Variants in TEX15 observed in about 807,000 individuals in gnomAD.
The protein encoded by TEX15 is testis-expressed protein 15.
TEX15 carries 171 observed loss-of-function variants against 237.3 expected under a neutral mutation model. That is an observed-to-expected ratio of 0.72 (90% confidence interval 0.64 to 0.82). The LOEUF (loss-of-function observed/expected upper bound fraction) is 0.82. Ranked by LOEUF, TEX15 falls within the 40% of genes least tolerant of loss-of-function variation. TEX15 has a pLI of 0.00. For synonymous variants in TEX15, 1,338 were observed against 1,269.8 expected, an observed-to-expected ratio of 1.05 and a Z score of -1.14; for missense variants, 3,750 against 3,646.5, an observed-to-expected ratio of 1.03 and a Z score of -0.73.
Position 30,897,570 on chromosome 8 carries a change from TA to T in TEX15, c.-10+1171del, listed in dbSNP as rs1808930340. ...ACTTTAGAATCAACCAAAAATCATT[TA>T]AAATCCATATGATTAATATGTGGGT... On this transcript the variant is annotated intron_variant, in intron 2 of 10. Coordinates refer to ENST00000643185, the MANE Select transcript of TEX15 (RefSeq NM_001350162.2). Among the ~76,000 whole-genome samples, 6 of 152,282 alleles carry T rather than the reference TA, an allele frequency of 3.9e-5. No individual in the cohort carries two copies. In the South Asian group the frequency reaches 1.2e-3, roughly 32 times the overall value.
Position 30,842,079 on chromosome 8 carries a change from C to T in TEX15, c.8088G>A (p.Pro2696=), listed in dbSNP as rs554047548. Residue 2696 remains proline, a synonymous_variant, in exon 8 of 11, where the codon CCG becomes CCA. Transcript: ENST00000643185. ...KNISNSSKKR[P]STVDKCEDSQ... ...AGTCTTCACATTTGTCTACAGTGCT[C>T]GGTCGTTTTTTAGAGGAATTTGAGA... 9.5e-5 allele frequency: 153 copies of T among 1,613,502 alleles called. No individual in the cohort carries two copies. Among genetic ancestry groups the T allele is most frequent in the Middle Eastern group, 8.3e-4 (5 of 6,054 alleles).
rs898199856 is a variant in TEX15 at position 30,887,861 on chromosome 8, C to T, written c.-9-550G>A. ...ATACATACATTTCACATATATATTTCGCACATATATATTTCACATATATAT... is the reference window on the plus strand; with the variant it reads ...ATACATACATTTCACATATATATTTTGCACATATATATTTCACATATATAT... On this transcript the variant is annotated intron_variant, in intron 2 of 10. Transcript: ENST00000643185. 8.4e-5 allele frequency: 12 copies of T among 143,250 alleles called. No homozygotes were observed. The South Asian group carries it at 1.8e-3, about 21-fold the overall frequency. The allele number at this position is 143,250 out of a possible 1,614,324, so 8.9% of individuals were successfully genotyped here.
intron 1 of TEX15, among the ~76,000 whole-genome samples, chr8:30,910,110 G>C (rs1195794065): frequency 6.6e-6 from 1 of 151,788 alleles, no homozygotes; most frequent in South Asian, 2.1e-4. Flanking sequence ...TGAAAATCAT[G>C]ATTGTTTTCT....
At chr8:30,899,370 G>A (rs1334922662) in intron 1 of TEX15, among the ~76,000 whole-genome samples, 1 of 152,132 alleles carries the variant, frequency 6.6e-6, no homozygotes, top group South Asian at 2.1e-4. Context: ...AACCAAACTG[G>A]TAAGTTGGTT....
rs148542296 is a variant in TEX15, at chr8:30,845,000, C to T, written c.5167G>A (p.Ala1723Thr). 165 of 1,613,342 alleles carry T rather than the reference C, an allele frequency of 1.0e-4. No individual in the cohort carries two copies. The highest frequency in any genetic ancestry group is 1.2e-4 in the Non-Finnish European group (143 of 1,179,450). Residue 1723 changes from alanine to threonine, a missense_variant, in exon 8 of 11, where the codon GCT becomes ACT. Physicochemically the swap from Ala to Thr is moderately conservative, Grantham distance 58. Transcript: ENST00000643185. ...KKYSIPQLSA[A>T]AVTDSEGESS... ...TCTCCCTCACTATCTGTCACTGCAG[C>T]GGCTGATAACTGAGGAATACTGTAC...
chr8:30,900,612 G>C (rs1374381308), intron 1 of TEX15, among the ~76,000 whole-genome samples: 1 of 152,214 alleles, frequency 6.6e-6, no homozygotes, highest in Non-Finnish European at 1.5e-5. Flanking sequence ...AAATATGCAT[G>C]AAGATGTTAC....
At chr8:30,860,908 G>A (rs573092727) in intron 5 of TEX15, among the ~76,000 whole-genome samples, 2 of 151,866 alleles carry the variant, frequency 1.3e-5, no homozygotes, top group South Asian at 2.1e-4. Flanking sequence ...AGACAAACAC[G>A]AATAGCTCAG....
chr8:30,845,513 C>T lies in TEX15; in HGVS notation c.4654G>A (p.Gly1552Arg), dbSNP rs1807581847. 6.2e-7 allele frequency: 1 copy of T among 1,613,412 alleles called. No homozygotes were observed. The highest frequency in any genetic ancestry group is 8.5e-7 in the Non-Finnish European group (1 of 1,179,538). The change falls in exon 8 of 11, where the codon GGA (glycine) becomes AGA (arginine). Residue 1552 changes from glycine (G) to arginine (R), a missense_variant. Gly to Arg is a moderately radical substitution (Grantham distance 125). Transcript: ENST00000643185. ...GGGGAAAACAGATATGCAGTTTTTC[C>T]AGAAAAGGGCTGATGTTCTTCTGAT... Reference protein sequence around the residue: ...SLSEEHQPFSGKTAYLFSPDH... With the variant: ...SLSEEHQPFSRKTAYLFSPDH...
intron 10 of TEX15, among the ~76,000 whole-genome samples, chr8:30,836,419 G>A (rs975551431): frequency 6.6e-6 from 1 of 151,602 alleles, no homozygotes; most frequent in Non-Finnish European, 1.5e-5. Flanking sequence ...TCACTATGTT[G>A]GCCAGGCTAG....
chr8:30,843,175 C>A lies in TEX15; in HGVS notation c.6992G>T (p.Gly2331Val), dbSNP rs146162764. The A allele has an allele frequency of 3.9e-5, 63 of 1,613,284 alleles. No homozygotes were observed. The Admixed American group carries it at 1.0e-3, about 26-fold the overall frequency. ...DLNNEPISPI[G>V]LEEDTIIASR... ...AGCAATTATAGTATCCTCCTCAAGCCCAATAGGGGAAATTGGTTCATTGTT... is the reference window on the plus strand; with the variant it reads ...AGCAATTATAGTATCCTCCTCAAGCACAATAGGGGAAATTGGTTCATTGTT... The change falls in exon 8 of 11, where the codon GGG becomes GTG. Residue 2331 changes from glycine (G) to valine (V), a missense_variant. Physicochemically the swap from Gly to Val is moderately radical, Grantham distance 109. Transcript: ENST00000643185.
intron 4 of TEX15, 66 bp from the exon 5 acceptor site, chr8:30,867,568 T>C (rs757768903): frequency 9.3e-5 from 82 of 879,258 alleles, no homozygotes; most frequent in Admixed American, 2.2e-4. Context: ...AGAAGATACA[T>C]ATTTCCACTT....
At chr8:30,870,937 A>G (rs1352611459) in intron 4 of TEX15, among the ~76,000 whole-genome samples, 1 of 152,012 alleles carries the variant, frequency 6.6e-6, no homozygotes, top group Non-Finnish European at 1.5e-5. Flanking sequence ...ATCTCTTTCC[A>G]AGTTGGCAGA....
At chr8:30,858,500 C>T (rs972703493) in intron 7 of TEX15, among the ~76,000 whole-genome samples, 168 bp downstream of exon 7, 2 of 151,954 alleles carry the variant, frequency 1.3e-5, no homozygotes, top group Non-Finnish European at 2.9e-5. Context: ...TTACTAGAGA[C>T]GGGGTTTTGC....
In TEX15 at chr8:30,867,452, A is replaced by G. The variant is rs922505389; in HGVS notation, c.353T>C (p.Phe118Ser). The G allele has an allele frequency of 6.5e-7, 1 of 1,534,786 alleles. No homozygotes were observed. The part of the protein sequence containing the change: ...GRHCRELEEQ[F>S]CFLALPQSDV... Reference sequence around the variant, plus strand: ...ACTCTGGGGAAGTGCTAAAAAGCAGAACTGTTCTTCAAGTTCCCTGCAATG... The same window carrying G: ...ACTCTGGGGAAGTGCTAAAAAGCAGGACTGTTCTTCAAGTTCCCTGCAATG... The change falls in exon 5 of 11, where the codon TTC (phenylalanine) becomes TCC (serine). Residue 118 changes from phenylalanine to serine, a missense_variant. Physicochemically the swap from Phe to Ser is radical, Grantham distance 155 (BLOSUM62 -2). Coordinates refer to ENST00000643185, the MANE Select transcript of TEX15 (RefSeq NM_001350162.2).
rs751731081 is a variant in TEX15, at chr8:30,848,355, T to C, written c.1812A>G (p.Pro604=). ...QTGCQTSTVF[P]LKKKVSIDEY... ...CATCAATGCTTACTTTCTTTTTGAGTGGAAAAACTGTAGACGTTTGGCAAC... is the reference window on the plus strand; with the variant it reads ...CATCAATGCTTACTTTCTTTTTGAGCGGAAAAACTGTAGACGTTTGGCAAC... Residue 604 remains proline, a synonymous_variant, in exon 8 of 11, where the codon CCA becomes CCG. Transcript: ENST00000643185. The C allele has an allele frequency of 1.9e-6, 3 of 1,614,106 alleles. No individual in the cohort carries two copies. Among genetic ancestry groups the C allele is most frequent in the South Asian group, 2.2e-5 (2 of 91,068 alleles).
chr8:30,840,299 G>A (rs1055968935), intron 8 of TEX15, among the ~76,000 whole-genome samples: 3 of 151,772 alleles, frequency 2.0e-5, no homozygotes, highest in Admixed American at 6.6e-5. Flanking sequence ...GGGTGCAAGC[G>A]ATTCTCCTGC....
intron 2 of TEX15, 57 bp from the exon 3 acceptor site, chr8:30,887,368 G>A (rs1808675214): frequency 2.9e-6 from 4 of 1,370,318 alleles, no homozygotes; most frequent in South Asian, 1.6e-5. Flanking sequence ...AAAAGGCAAT[G>A]GCAGTACAAT....
At chr8:30,852,019 C>T (rs961657653) in intron 7 of TEX15, among the ~76,000 whole-genome samples, 5 of 150,842 alleles carry the variant, frequency 3.3e-5, no homozygotes, top group African/African-American at 9.8e-5. Context: ...TTAACATACA[C>T]ATAATGTTAA....
At position 30,837,151 on chromosome 8, in the gene TEX15, AC is replaced by A; in HGVS notation, c.9132del (p.Trp3044CysfsTer21). The A allele has an allele frequency of 6.2e-7, 1 of 1,614,096 alleles. No homozygotes were observed. Among genetic ancestry groups the A allele is most frequent in the Non-Finnish European group, 8.5e-7 (1 of 1,179,964 alleles). On this transcript the variant is annotated frameshift_variant, in exon 10 of 11. Coordinates refer to ENST00000643185, the MANE Select transcript of TEX15 (RefSeq NM_001350162.2). LOFTEE classifies it high-confidence loss of function. ...TTGCTGTTGCTGTACTGATAAACAC[AC>A]CAAGCAGAGTATGGATATGAAGTTC... ...LFGTSYPYSAWCVYQYSNSNG... is the reference protein window; with the variant it reads ...LFGTSYPYSAXCVYQYSNSNG...
Sources: allele counts gnomAD v4.1 joint callset (sites outside exome capture counted in the v4.1 genomes callset), GRCh38; gene constraint gnomAD v4.1.1; transcripts MANE v1.5; gene names NCBI Gene and HGNC (gene_info 2026-07-23, HGNC 2026-07-21).